ABTB3: variants seen among roughly 807,000 people sequenced by gnomAD.
ABTB3 encodes the protein ankyrin repeat- and BTB/POZ domain-containing protein 3.
the ABTB3 span, among the ~76,000 whole-genome samples, chr12:107,335,286 C>CAAAAAAAAAAAAAAAAAAAAAAAAAAAAA: frequency 2.7e-4 from 5 of 18,646 alleles, 1 homozygote; most frequent in Admixed American, 1.0e-3. Flanking sequence ...GACCTTGTCT[C>CAAAAAAAAAAAAAAAAAAAAAAAAAAAAA]AAAAAAAAAA....
At chr12:107,526,904 C>T in the ABTB3 span, among the ~76,000 whole-genome samples, 1 of 152,126 alleles carries the variant, frequency 6.6e-6, no homozygotes, top group Non-Finnish European at 1.5e-5. Context: ...CTGCCTTCAG[C>T]CCCTAGGGTA....
chr12:107,592,744 C>T, the ABTB3 span, among the ~76,000 whole-genome samples: 1 of 152,116 alleles, frequency 6.6e-6, no homozygotes, highest in East Asian at 1.9e-4. Flanking sequence ...ATAGGAATGA[C>T]AAATGTCAAA....
chr12:107,595,466 G>A, the ABTB3 span, among the ~76,000 whole-genome samples: 1 of 152,142 alleles, frequency 6.6e-6, no homozygotes, highest in Admixed American at 6.5e-5. Flanking sequence ...TAAGAGGTGG[G>A]GAACTTCCCA....
the ABTB3 span, among the ~76,000 whole-genome samples, chr12:107,482,973 TTTCTTTCTTTCTTTCCTTCCTTCCTTCC>T: frequency 0.011 from 768 of 70,890 alleles, 41 homozygotes; most frequent in African/African-American, 0.038. Context: ...TCTTTCTTTC[TTTCTTTCTTTCTTTCCTTCCTTCCTTCC>T]TTCCTTCTTT....
At chr12:107,392,969 G>GGATGGGAAT in the ABTB3 span, among the ~76,000 whole-genome samples, 2 of 152,194 alleles carry the variant, frequency 1.3e-5, no homozygotes, top group African/African-American at 4.8e-5. Flanking sequence ...AGGATGGGAA[G>GGATGGGAAT]GATGCAGGCT....
At chr12:107,565,301 T>A in the ABTB3 span, among the ~76,000 whole-genome samples, 1 of 152,208 alleles carries the variant, frequency 6.6e-6, no homozygotes, top group Non-Finnish European at 1.5e-5. Flanking sequence ...TTCGCTGATT[T>A]TTTTTTTCTG....
chr12:107,620,008 G>T, the ABTB3 span: 2 of 1,613,596 alleles, frequency 1.2e-6, no homozygotes, highest in Non-Finnish European at 1.7e-6. Context: ...CTCTGCACAC[G>T]TGGCTGGAGT....
At chr12:107,539,118 G>A in the ABTB3 span, among the ~76,000 whole-genome samples, 24,110 of 152,130 alleles carry the variant, frequency 0.16, 2,328 homozygotes, top group East Asian at 0.29. Flanking sequence ...ACCTTGTGTG[G>A]CTCTTATATA....
the ABTB3 span, among the ~76,000 whole-genome samples, chr12:107,384,839 C>T: frequency 1.8e-4 from 27 of 152,206 alleles, no homozygotes; most frequent in African/African-American, 6.3e-4. Flanking sequence ...GGAAGCCCTA[C>T]AGCCTCCACT....
At chr12:107,544,260 G>T in the ABTB3 span, 8 of 1,065,306 alleles carry the variant, frequency 7.5e-6, no homozygotes, top group Non-Finnish European at 9.5e-6. Context: ...TTGCCAGAGT[G>T]GTCCCGGTGG....
chr12:107,405,848 AGTGGAGGTCCCCACTCT>A, the ABTB3 span, among the ~76,000 whole-genome samples: 4 of 152,194 alleles, frequency 2.6e-5, no homozygotes, highest in African/African-American at 9.7e-5. Flanking sequence ...TGGAGACCTG[AGTGGAGGTCCCCACTCT>A]GCTCCTCACC....
chr12:107,401,500 T>G, the ABTB3 span, among the ~76,000 whole-genome samples: 2 of 152,226 alleles, frequency 1.3e-5, no homozygotes, highest in African/African-American at 4.8e-5. Context: ...GGTCAGTCAC[T>G]GCCCAAGGTT....
the ABTB3 span, chr12:107,635,176 C>A: frequency 1.1e-6 from 1 of 894,458 alleles, no homozygotes; most frequent in Non-Finnish European, 1.7e-6. Context: ...CTGTGGCCTG[C>A]AGTAAATGTG....
the ABTB3 span, chr12:107,581,094 A>C: frequency 6.5e-7 from 1 of 1,545,368 alleles, no homozygotes; most frequent in Non-Finnish European, 8.7e-7. Flanking sequence ...CCAAGCCGGC[A>C]GCCCCTGCCT....
At chr12:107,446,491 T>C in the ABTB3 span, among the ~76,000 whole-genome samples, 1 of 152,178 alleles carries the variant, frequency 6.6e-6, no homozygotes, top group South Asian at 2.1e-4. Context: ...CCTGCAGTGT[T>C]GGGAAGTCAA....
chr12:107,560,872 G>A, the ABTB3 span, among the ~76,000 whole-genome samples: 3 of 152,282 alleles, frequency 2.0e-5, no homozygotes, highest in African/African-American at 7.2e-5. Context: ...TTGTTTGGTG[G>A]CTGTGTTTGT....
chr12:107,328,906 T>C, the ABTB3 span, among the ~76,000 whole-genome samples: 4 of 152,170 alleles, frequency 2.6e-5, no homozygotes, highest in Non-Finnish European at 5.9e-5. Context: ...TTGATGATTG[T>C]CCTTGCGCAT....
chr12:107,377,885 A>C, the ABTB3 span, among the ~76,000 whole-genome samples: 1 of 152,176 alleles, frequency 6.6e-6, no homozygotes, highest in African/African-American at 2.4e-5. Context: ...TGACAGCCCC[A>C]TTCTGGACTT....
chr12:107,465,933 A>G, the ABTB3 span, among the ~76,000 whole-genome samples: 1 of 152,152 alleles, frequency 6.6e-6, no homozygotes, highest in Non-Finnish European at 1.5e-5. Context: ...GCATGCATTC[A>G]TTTTGTAATC....
Sources: allele counts gnomAD v4.1 joint callset (sites outside exome capture counted in the v4.1 genomes callset), GRCh38; gene constraint gnomAD v4.1.1; transcripts MANE v1.5; gene names NCBI Gene and HGNC (gene_info 2026-07-23, HGNC 2026-07-21).